Variants in FBXW11 observed in about 807,000 individuals in gnomAD.
The protein encoded by FBXW11 is F-box/WD repeat-containing protein 11.
Under a neutral mutation model 77.6 loss-of-function variants are expected in FBXW11, and 19 were observed. That is an observed-to-expected ratio of 0.24 (90% CI 0.17 to 0.36). The LOEUF is 0.36. Among genes scored for constraint, FBXW11 ranks in the 10% least tolerant of loss-of-function variants. The probability of loss-of-function intolerance (pLI) is 1.00; values close to 1 mark genes in which losing one functional copy is unlikely to be tolerated. For synonymous variants in FBXW11, 235 were observed against 249.4 expected (o/e 0.94, Z 0.54); for missense variants, 334 against 704.2 (o/e 0.47, Z 5.95).
At chr5:171,945,920 TTA>T (rs1762985431) in intron 2 of FBXW11, among the ~76,000 whole-genome samples, 1 of 152,178 alleles carries the variant, frequency 6.6e-6, no homozygotes, top group Non-Finnish European at 1.5e-5. Context: ...ATGGTTAATT[TTA>T]TGTGTCAACT....
chr5:171,971,007 G>C (rs1464079449), intron 1 of FBXW11, among the ~76,000 whole-genome samples: 1 of 152,194 alleles, frequency 6.6e-6, no homozygotes. Context: ...GAATCCTGCA[G>C]GCAACTGGAA....
At chr5:171,915,320 T>G (rs1761153858) in intron 2 of FBXW11, among the ~76,000 whole-genome samples, 1 of 152,238 alleles carries the variant, frequency 6.6e-6, no homozygotes, top group African/African-American at 2.4e-5. Context: ...ATTTAAGGTA[T>G]CAGTGTTTTA....
chr5:171,964,042 G>C (rs1056498971), intron 1 of FBXW11, among the ~76,000 whole-genome samples: 2 of 152,132 alleles, frequency 1.3e-5, no homozygotes. Context: ...TTAAGCAAAG[G>C]AATGACCCTT....
In FBXW11 at chr5:171,869,586, G is replaced by T; in HGVS notation, c.1530+143C>A. On this transcript the variant is annotated intron_variant, in intron 12 of 13. Transcript: ENST00000517395. The surrounding 1 kb of genome is among the most constrained non-coding windows in gnomAD (Gnocchi z 4.1). ...TAAACATCAAATATTCTCTGGTTTT[G>T]GCTAAACAAAATGAAGACTGAAATT... 1 of 517,212 alleles carries T rather than the reference G, an allele frequency of 1.9e-6. No homozygotes were observed. The highest frequency in any genetic ancestry group is 3.4e-6 in the Non-Finnish European group (1 of 292,354). The allele number at this position is 517,212 out of a possible 1,614,324, so 32.0% of individuals were successfully genotyped here. A position where few individuals can be genotyped will look rare whatever the true frequency, so the allele number is the denominator to read the frequency against.
chr5:171,929,717 T>C (rs1002521291), intron 2 of FBXW11, among the ~76,000 whole-genome samples: 5 of 152,000 alleles, frequency 3.3e-5, no homozygotes, highest in African/African-American at 1.2e-4. Context: ...CCGGGCATGG[T>C]GGCAGGCGCC....
chr5:171,870,388 AAC>A (rs10555447), intron 11 of FBXW11, among the ~76,000 whole-genome samples: 128,110 of 150,462 alleles, frequency 0.85, 55,459 homozygotes, highest in East Asian at 0.99. Context: ...TTGTTGAACG[AAC>A]ACACACACAC....
At chr5:171,898,413 T>C (rs750137456) in intron 6 of FBXW11, among the ~76,000 whole-genome samples, 3 of 152,134 alleles carry the variant, frequency 2.0e-5, no homozygotes, top group Non-Finnish European at 4.4e-5. Context: ...GCTAAAATAG[T>C]AAAACTGAAC....
At chr5:171,960,404 G>A (rs1426301275) in intron 1 of FBXW11, among the ~76,000 whole-genome samples, 1 of 152,100 alleles carries the variant, frequency 6.6e-6, no homozygotes, top group Non-Finnish European at 1.5e-5. Context: ...GATTACATCT[G>A]GATTCAGCAA....
intron 8 of FBXW11, among the ~76,000 whole-genome samples, chr5:171,877,418 C>T (rs1320856247): frequency 6.6e-6 from 1 of 152,116 alleles, no homozygotes; most frequent in Non-Finnish European, 1.5e-5. Flanking sequence ...ACTTCTTTAC[C>T]CAGCTGCTTT....
At chr5:171,997,537 A>G (rs1414832378) in intron 1 of FBXW11, among the ~76,000 whole-genome samples, 1 of 152,228 alleles carries the variant, frequency 6.6e-6, no homozygotes, top group Admixed American at 6.5e-5. Context: ...ATAAGACATC[A>G]TATCTACATA....
At chr5:171,877,543 G>T (rs921424586) in intron 8 of FBXW11, among the ~76,000 whole-genome samples, 1 of 152,074 alleles carries the variant, frequency 6.6e-6, no homozygotes, top group Non-Finnish European at 1.5e-5. Flanking sequence ...GTTCACATAG[G>T]GCAGAGGGGG....
intron 2 of FBXW11, among the ~76,000 whole-genome samples, chr5:171,940,869 G>C (rs1437024357): frequency 7.9e-6 from 1 of 127,222 alleles, no homozygotes; most frequent in African/African-American, 3.0e-5. Context: ...CCTGGCGACA[G>C]AGCAAGACTC....
chr5:172,005,617 G>C (rs1280779401), intron 1 of FBXW11, among the ~76,000 whole-genome samples: 18 of 152,054 alleles, frequency 1.2e-4, no homozygotes. Context: ...TAACAGAAGA[G>C]TGGTCGCTTC....
chr5:171,931,383 A>G (rs1458883410), intron 2 of FBXW11, among the ~76,000 whole-genome samples: 3 of 152,224 alleles, frequency 2.0e-5, no homozygotes. Context: ...CCCACACAAT[A>G]GACCCACACA....
chr5:171,926,031 G>A (rs534966807), intron 2 of FBXW11, among the ~76,000 whole-genome samples: 5 of 152,238 alleles, frequency 3.3e-5, no homozygotes, highest in Non-Finnish European at 4.4e-5. Context: ...ATTTACAAAA[G>A]CAACCATGTG....
At chr5:171,907,610 A>T (rs991811546) in intron 4 of FBXW11, among the ~76,000 whole-genome samples, 2 of 152,198 alleles carry the variant, frequency 1.3e-5, no homozygotes, top group Admixed American at 1.3e-4. Flanking sequence ...ACATATGTAT[A>T]TATGTTCAGA....
rs1757230570 is a variant in FBXW11 at position 171,863,974 on chromosome 5, C to T, written c.*153G>A. 1 of 152,170 alleles carries T rather than the reference C, an allele frequency of 6.6e-6. No homozygotes were observed. Among genetic ancestry groups the T allele is most frequent in the Non-Finnish European group, 1.5e-5 (1 of 68,038 alleles). The allele number at this position is 152,170 out of a possible 1,614,324, so 9.4% of individuals were successfully genotyped here. ...GAATCAGAGGTGAGAAATGTCGGTA[C>T]TTGAAGAGTTAGGCTGCTTTGCATC... On this transcript the variant is annotated 3_prime_UTR_variant, in exon 14 of 14. Coordinates refer to ENST00000517395, the MANE Select transcript of FBXW11 (RefSeq NM_001378974.1).
intron 4 of FBXW11, among the ~76,000 whole-genome samples, chr5:171,900,677 A>G (rs763072553): frequency 6.6e-6 from 1 of 152,246 alleles, no homozygotes; most frequent in Non-Finnish European, 1.5e-5. Flanking sequence ...ATGGCAATCC[A>G]AGAATTAAAG....
intron 4 of FBXW11, among the ~76,000 whole-genome samples, chr5:171,905,602 T>C (rs141875209): frequency 0.048 from 2,112 of 43,716 alleles, 24 homozygotes; most frequent in East Asian, 0.18. Context: ...CCCCCCCCTT[T>C]ATTTTCTTGG....
Sources: allele counts gnomAD v4.1 joint callset (sites outside exome capture counted in the v4.1 genomes callset), GRCh38; gene constraint gnomAD v4.1.1; non-coding constraint Gnocchi (gnomAD v3.1); transcripts MANE v1.5; gene names NCBI Gene and HGNC (gene_info 2026-07-23, HGNC 2026-07-21).